Variants in TRIM2 observed in about 807,000 individuals in gnomAD.
The protein encoded by TRIM2 is tripartite motif-containing protein 2.
Under a neutral mutation model 75.2 loss-of-function variants are expected in TRIM2, and 20 were observed. That is an observed-to-expected ratio of 0.27 (90% CI 0.19 to 0.39). The LOEUF is 0.39. Among genes scored for constraint, TRIM2 ranks in the 10% least tolerant of loss-of-function variants. The probability of loss-of-function intolerance (pLI) is 1.00; values close to 1 mark genes in which losing one functional copy is unlikely to be tolerated. For missense variants in TRIM2, 660 were observed against 990.8 expected (o/e 0.67, Z 4.48); for synonymous variants, 373 against 388.3 (o/e 0.96, Z 0.46).
intron 11 of TRIM2, among the ~76,000 whole-genome samples, chr4:153,333,840 T>TG (rs1561033056): frequency 6.6e-6 from 1 of 152,118 alleles, no homozygotes. Flanking sequence ...TTAAAATATA[T>TG]GGGGGGATGT....
At chr4:153,251,927 G>A (rs992231526) in intron 1 of TRIM2, among the ~76,000 whole-genome samples, 16 of 126,410 alleles carry the variant, frequency 1.3e-4, no homozygotes, top group Non-Finnish European at 2.1e-4. Flanking sequence ...CAGCAGTCAC[G>A]CCACTGCACT....
At chr4:153,160,902 C>A (rs1247210797) in intron 1 of TRIM2, among the ~76,000 whole-genome samples, 1 of 152,066 alleles carries the variant, frequency 6.6e-6, no homozygotes, top group Non-Finnish European at 1.5e-5. Context: ...AGCCACCATG[C>A]CTGGCCAGGC....
intron 1 of TRIM2, among the ~76,000 whole-genome samples, chr4:153,172,917 TGG>T (rs1261436010): frequency 6.6e-6 from 1 of 152,240 alleles, no homozygotes; most frequent in South Asian, 2.1e-4. Context: ...TGCATGAATG[TGG>T]GAGGTAGAAG....
In TRIM2 at chr4:153,270,338, C is replaced by T. The variant is rs1396459757; in HGVS notation, c.34C>T (p.Gln12Ter). ...GTTTTGATTTTCTGTCTGACAGCAG[C>T]AGCGTGCAGGGTCAAAGACAGCCGG... ...HRSGRYGTQQ[Q>*]RAGSKTAGPP... Residue 12 changes from glutamine (Q) to a stop codon, truncating the protein, a stop_gained, in exon 2 of 12, where the codon CAG becomes TAG. Coordinates refer to ENST00000338700, the MANE Select transcript of TRIM2 (RefSeq NM_015271.5). LOFTEE classifies it high-confidence loss of function. 6.2e-7 allele frequency: 1 copy of T among 1,607,418 alleles called. No homozygotes were observed. Among genetic ancestry groups the T allele is most frequent in the Non-Finnish European group, 8.5e-7 (1 of 1,177,270 alleles).
chr4:153,244,435 C>CTTCTTCTTCTTT (rs1748487375), intron 1 of TRIM2, among the ~76,000 whole-genome samples: 1 of 86,748 alleles, frequency 1.2e-5, no homozygotes, highest in African/African-American at 8.6e-5. Context: ...TCTTCTTCTT[C>CTTCTTCTTCTTT]TTTTAATTAG....
rs115936192 is a variant in TRIM2, at chr4:153,322,520, T to C, written c.1783-128T>C. On this transcript the variant is annotated intron_variant, in intron 8 of 11. Transcript: ENST00000338700. ...CAAGACAGAAGTTCATTGTGATATA[T>C]GAGTAGCTGTGTACCCGTTTGAACC... 3.1e-3 allele frequency: 2,913 copies of C among 930,396 alleles called. 52 individuals carry two copies. The African/African-American group carries it at 0.044, about 14-fold the overall frequency. The allele number at this position is 930,396 out of a possible 1,614,324, so 57.6% of individuals were successfully genotyped here.
chr4:153,261,484 G>A (rs1753577834), intron 1 of TRIM2, among the ~76,000 whole-genome samples: 1 of 152,088 alleles, frequency 6.6e-6, no homozygotes, highest in African/African-American at 2.4e-5. Context: ...CCAAAGAGAA[G>A]CAATAACGCA....
At chr4:153,262,046 A>G (rs1380451669) in intron 1 of TRIM2, among the ~76,000 whole-genome samples, 1 of 152,214 alleles carries the variant, frequency 6.6e-6, no homozygotes, top group African/African-American at 2.4e-5. Context: ...AGCTCTGTTT[A>G]GTTGGCAAGC....
At chr4:153,291,042 CA>C (rs946316843) in intron 3 of TRIM2, among the ~76,000 whole-genome samples, 176 of 143,462 alleles carry the variant, frequency 1.2e-3, no homozygotes, top group Non-Finnish European at 1.9e-3. Context: ...CCTTATATGA[CA>C]AAAAAAAAAG....
chr4:153,313,984 T>TTC (rs1044066502), intron 6 of TRIM2, among the ~76,000 whole-genome samples: 1 of 152,088 alleles, frequency 6.6e-6, no homozygotes, highest in Non-Finnish European at 1.5e-5. Flanking sequence ...TGAAGAATGG[T>TTC]TCTCTCTCTC....
At chr4:153,244,414 C>CTTCTTCTTCTTCTTCTTCTTCTTT (rs1748361414) in intron 1 of TRIM2, among the ~76,000 whole-genome samples, 1 of 97,382 alleles carries the variant, frequency 1.0e-5, no homozygotes, top group Admixed American at 1.2e-4. Flanking sequence ...TCTTCTTCTT[C>CTTCTTCTTCTTCTTCTTCTTCTTT]TTCTTCTTCT....
In TRIM2 at chr4:153,270,504, A is replaced by G; in HGVS notation, c.200A>G (p.His67Arg). Residue 67 changes from histidine to arginine, a missense_variant, in exon 2 of 12, where the codon CAC (histidine) becomes CGC (arginine). By Grantham distance (29) the His-to-Arg change is conservative (BLOSUM62 0). Around this residue, in one of 2 missense-constraint regions of TRIM2, gnomAD observed 620 missense variants for 891.0 expected, o/e 0.70. Transcript: ENST00000338700. ...AATCCCAAGGTTCTCCCCTGTCTGCACACTTTCTGCGAGAGGTAAGCCTCC... is the reference window on the plus strand; with the variant it reads ...AATCCCAAGGTTCTCCCCTGTCTGCGCACTTTCTGCGAGAGGTAAGCCTCC... ...YKNPKVLPCL[H>R]TFCERCLQNY... 2 of 1,609,730 alleles carry G rather than the reference A, an allele frequency of 1.2e-6. No individual in the cohort carries two copies. The highest frequency in any genetic ancestry group is 1.7e-6 in the Non-Finnish European group (2 of 1,178,052).
chr4:153,252,694 G>T (rs1751154915), intron 1 of TRIM2, among the ~76,000 whole-genome samples: 1 of 152,126 alleles, frequency 6.6e-6, no homozygotes. Flanking sequence ...AGTTTTATTA[G>T]TGACGGGGTT....
chr4:153,278,579 G>A (rs1579278262), intron 3 of TRIM2, among the ~76,000 whole-genome samples: 2 of 152,058 alleles, frequency 1.3e-5, no homozygotes, highest in South Asian at 2.1e-4. Context: ...CAAGCCAATC[G>A]CTTGAGCCCA....
chr4:153,171,266 C>T (rs1016378120), intron 1 of TRIM2, among the ~76,000 whole-genome samples: 27 of 152,182 alleles, frequency 1.8e-4, no homozygotes, highest in Admixed American at 1.6e-3. Flanking sequence ...CCTACCAGCA[C>T]ACTTTAACAC....
At chr4:153,168,946 T>A (rs545624501) in intron 1 of TRIM2, among the ~76,000 whole-genome samples, 2 of 152,236 alleles carry the variant, frequency 1.3e-5, no homozygotes, top group Admixed American at 1.3e-4. Flanking sequence ...CTGGGCATGT[T>A]GGCACATGCC....
chr4:153,231,130 T>C lies in TRIM2; in HGVS notation c.30+26570T>C, dbSNP rs188701933. ...GACATATGATAAATGGATACAAGAA[T>C]TGTGGGAAGCTCTAGAAGAAAGGAT... On this transcript the variant is annotated intron_variant, in intron 1 of 11. Coordinates refer to ENST00000338700, the MANE Select transcript of TRIM2 (RefSeq NM_015271.5). Among the ~76,000 whole-genome samples, 133 of 152,270 alleles carry C rather than the reference T, an allele frequency of 8.7e-4. 1 individual carries two copies. Among genetic ancestry groups the C allele is most frequent in the Admixed American group, 8.4e-3 (128 of 15,296 alleles).
intron 1 of TRIM2, among the ~76,000 whole-genome samples, chr4:153,249,917 T>C (rs1171038937): frequency 6.6e-6 from 1 of 152,196 alleles, no homozygotes; most frequent in African/African-American, 2.4e-5. Flanking sequence ...ACATTCCGGG[T>C]ATACTCAAGA....
chr4:153,245,464 A>G (rs930771918), intron 1 of TRIM2, among the ~76,000 whole-genome samples: 3 of 152,362 alleles, frequency 2.0e-5, no homozygotes, highest in African/African-American at 7.2e-5. Context: ...CGGGCAAACT[A>G]TGGCCTGTGA....
Sources: gnomAD v4.1 joint callset for allele counts (sites outside exome capture counted in the v4.1 genomes callset) on GRCh38, gnomAD v4.1.1 for gene constraint, gnomAD v4.1.1 regional missense constraint, MANE v1.5 for transcripts, NCBI Gene and HGNC (gene_info 2026-07-23, HGNC 2026-07-21) for gene names.